The following C22orf15 variants were observed in gnomAD, a reference collection of about 807,000 sequenced individuals.
C22orf15 encodes the protein uncharacterized protein C22orf15.
A neutral mutation model predicts 20.3 loss-of-function variants in C22orf15; 21 were observed. That is an observed-to-expected ratio of 1.04 (90% CI 0.74 to 1.49). C22orf15 has a LOEUF of 1.49. Among genes scored for constraint, C22orf15 ranks in the 40% most tolerant of loss-of-function variants. The probability of loss-of-function intolerance (pLI) is 0.00; values close to 1 mark genes in which losing one functional copy is unlikely to be tolerated. For missense variants in C22orf15, 170 were observed against 191.1 expected, an observed-to-expected ratio of 0.89 and a Z score of 0.65; for synonymous variants, 78 against 75.4, an observed-to-expected ratio of 1.03 and a Z score of -0.18.
At chr22:23,765,653 C>A in intron 5 of C22orf15, 68 bp from the exon 6 acceptor site, 1 of 1,519,320 alleles carries the variant, frequency 6.6e-7, no homozygotes, top group Non-Finnish European at 8.8e-7. Flanking sequence ...TCACTCTGGA[C>A]TGCCCAAGGA....
At chr22:23,765,395 C>T (rs1264381103) in intron 5 of C22orf15, 2 of 1,551,048 alleles carry the variant, frequency 1.3e-6, no homozygotes, top group Non-Finnish European at 8.7e-7. Context: ...AGACAACAAC[C>T]CAGCAGGACT....
intron 5 of C22orf15, chr22:23,765,188 T>A: frequency 1.4e-6 from 2 of 1,441,846 alleles, no homozygotes; most frequent in Non-Finnish European, 1.8e-6. Flanking sequence ...CAGTAGGAGC[T>A]CAGTGCACAA....
chr22:23,764,057 T>G, intron 1 of C22orf15, 30 bp from the exon 2 acceptor site: 1 of 1,547,098 alleles, frequency 6.5e-7, no homozygotes, highest in Non-Finnish European at 8.7e-7. Context: ...GTAAGAGATC[T>G]CACAGGCTCA....
Position 23,765,794 on chromosome 22 carries a change from C to T in C22orf15, c.*62C>T, listed in dbSNP as rs1226268542. 1 of 1,543,712 alleles carries T rather than the reference C, an allele frequency of 6.5e-7. No individual in the cohort carries two copies. The highest frequency in any genetic ancestry group is 8.8e-7 in the Non-Finnish European group (1 of 1,142,216). ...TGACCCCACCTCATCAGCCAGGGAG[C>T]TCCCTGAAGACAGGCCATCGAGAGA... On this transcript the variant is annotated 3_prime_UTR_variant, in exon 6 of 6. Transcript: ENST00000402217.
chr22:23,765,220 G>C, intron 5 of C22orf15: 1 of 1,454,656 alleles, frequency 6.9e-7, no homozygotes, highest in South Asian at 1.4e-5. Flanking sequence ...ACTCAATGAA[G>C]GCGGCAGCAT....
chr22:23,765,624 C>A, intron 5 of C22orf15, 97 bp from the exon 6 acceptor site: 1 of 1,510,848 alleles, frequency 6.6e-7, no homozygotes, highest in African/African-American at 1.4e-5. Flanking sequence ...TTGGGATCAC[C>A]GACTAATGCC....
At chr22:23,763,463 C>G in intron 1 of C22orf15, 132 bp downstream of exon 1, 6 of 965,560 alleles carry the variant, frequency 6.2e-6, no homozygotes, top group Non-Finnish European at 8.9e-6. Flanking sequence ...CGGGGGTCGT[C>G]GGGGAAGCGG....
At chr22:23,763,773 T>C (rs2145915803) in intron 1 of C22orf15, among the ~76,000 whole-genome samples, 1 of 152,208 alleles carries the variant, frequency 6.6e-6, no homozygotes. Flanking sequence ...GGGCGGGGAC[T>C]GGCTGGGTCC....
intron 5 of C22orf15, 84 bp downstream of exon 5, chr22:23,764,986 G>A: frequency 6.6e-7 from 1 of 1,524,516 alleles, no homozygotes; most frequent in East Asian, 2.3e-5. Context: ...GAGACACCCA[G>A]AGTGGGATCC....
At chr22:23,764,051 G>A in intron 1 of C22orf15, 36 bp from the exon 2 acceptor site, 1 of 1,544,498 alleles carries the variant, frequency 6.5e-7, no homozygotes, top group Non-Finnish European at 8.8e-7. Context: ...AGGAAGGTAA[G>A]AGATCTCACA....
Position 23,763,151 on chromosome 22 carries a change from G to GGTTTGA in C22orf15, c.-155_-154insTTTGAG. 1 of 978,120 alleles carries GGTTTGA rather than the reference G, an allele frequency of 1.0e-6. No homozygotes were observed. Among genetic ancestry groups the GGTTTGA allele is most frequent in the South Asian group, 1.5e-5 (1 of 67,366 alleles). 60.6% of individuals were successfully genotyped at this position (978,120 alleles called of 1,614,324 possible). On this transcript the variant is annotated 5_prime_UTR_variant, in exon 1 of 6. Coordinates refer to ENST00000402217, the MANE Select transcript of C22orf15 (RefSeq NM_182520.3). ...AGAACCACAGAGGTGGCTGAGCAGG[G>GGTTTGA]GCCTGGCCCTGGGACCCAGCCATCC...
chr22:23,763,711 G>A (rs1926101698), intron 1 of C22orf15, among the ~76,000 whole-genome samples: 1 of 152,230 alleles, frequency 6.6e-6, no homozygotes, highest in South Asian at 2.1e-4. Flanking sequence ...GGCTGGAGGC[G>A]GGTCGGCCCT....
chr22:23,764,728 A>T lies in C22orf15; in HGVS notation c.325+15A>T. 6.2e-7 allele frequency: 1 copy of T among 1,614,174 alleles called. No individual in the cohort carries two copies. The highest frequency in any genetic ancestry group is 8.5e-7 in the Non-Finnish European group (1 of 1,180,006). ...AGAGCTGGCAGGTGAGTGTCAGGGTACAGCCCAGGGGGAGGGCACACCTTC... is the reference window on the plus strand; with the variant it reads ...AGAGCTGGCAGGTGAGTGTCAGGGTTCAGCCCAGGGGGAGGGCACACCTTC... On this transcript the variant is annotated intron_variant, in intron 4 of 5. Coordinates refer to ENST00000402217, the MANE Select transcript of C22orf15 (RefSeq NM_182520.3).
chr22:23,763,237 C>A lies in C22orf15; in HGVS notation c.-70C>A, dbSNP rs2145914048. ...CCCTGAAGCAGGTCTCTGCTCCACG[C>A]TTTTCCTTAGTTGGGGAATCGAGAG... On this transcript the variant is annotated 5_prime_UTR_variant, in exon 1 of 6. Transcript: ENST00000402217. The A allele has an allele frequency of 6.5e-7, 1 of 1,544,798 alleles. No individual in the cohort carries two copies. Among genetic ancestry groups the A allele is most frequent in the Non-Finnish European group, 8.8e-7 (1 of 1,142,526 alleles).
At position 23,764,107 on chromosome 22, in the gene C22orf15, A is replaced by T; in HGVS notation, c.46A>T (p.Asn16Tyr). Residue 16 changes from asparagine (N) to tyrosine (Y), a missense_variant, in exon 2 of 6, where the codon AAC (asparagine) becomes TAC (tyrosine). Physicochemically the swap from Asn to Tyr is moderately radical, Grantham distance 143. Coordinates refer to ENST00000402217, the MANE Select transcript of C22orf15 (RefSeq NM_182520.3). The part of the protein sequence containing the change: ...MFGAGCSVLV[N>Y]TSCRLVNLTA... ...CACAGCTGGCTGCTCGGTGCTGGTG[A>T]ACACCTCTTGCAGGCTGGTGAACCT... 1.9e-6 allele frequency: 3 copies of T among 1,551,020 alleles called. No individual in the cohort carries two copies. Among genetic ancestry groups the T allele is most frequent in the Non-Finnish European group, 2.6e-6 (3 of 1,146,990 alleles).
intron 5 of C22orf15, 157 bp downstream of exon 5, chr22:23,765,059 T>C (rs1375195084): frequency 6.8e-6 from 10 of 1,469,138 alleles, no homozygotes; most frequent in Non-Finnish European, 8.9e-6. Flanking sequence ...CACGCACATA[T>C]ACCCCCAGAT....
In C22orf15 at chr22:23,764,389, G is replaced by A. The variant is rs765301842; in HGVS notation, c.242G>A (p.Arg81Gln). ...GAGCGAGCCATATATGTCCTCGTTC[G>A]GATCATCAGTAAGGTGGCCCAAGGT... is the stretch of plus-strand genomic sequence containing the variant. ...LKERAIYVLVRIIKGEDMAST... is the reference protein window; with the variant it reads ...LKERAIYVLVQIIKGEDMAST... The change falls in exon 3 of 6, where the codon CGG becomes CAG. Residue 81 changes from arginine to glutamine, a missense_variant. Coordinates refer to ENST00000402217, the MANE Select transcript of C22orf15 (RefSeq NM_182520.3). 59 of 1,559,304 alleles carry A rather than the reference G, an allele frequency of 3.8e-5. No homozygotes were observed. Among genetic ancestry groups the A allele is most frequent in the Non-Finnish European group, 4.7e-5 (54 of 1,151,408 alleles).
chr22:23,763,943 G>A (rs1926157137), intron 1 of C22orf15, 144 bp from the exon 2 acceptor site: 2 of 720,518 alleles, frequency 2.8e-6, no homozygotes, highest in South Asian at 3.6e-5. Context: ...AACAGATGTT[G>A]GAGCTGTTAT....
At chr22:23,765,321 C>A (rs1926596254) in intron 5 of C22orf15, 1 of 1,544,290 alleles carries the variant, frequency 6.5e-7, no homozygotes, top group Non-Finnish European at 8.8e-7. Context: ...TGCCAACTAG[C>A]CAAGTTGGAC....
Sources: allele counts gnomAD v4.1 joint callset (sites outside exome capture counted in the v4.1 genomes callset), GRCh38; gene constraint gnomAD v4.1.1; transcripts MANE v1.5; gene names NCBI Gene and HGNC (gene_info 2026-07-23, HGNC 2026-07-21).